Variants in TRAPPC13 observed in about 807,000 individuals in gnomAD.
TRAPPC13 encodes the protein trafficking protein particle complex subunit 13.
A neutral mutation model predicts 54.0 loss-of-function variants in TRAPPC13; 39 were observed. The ratio of observed to expected loss-of-function variants is 0.72; its 90% CI spans 0.56 to 0.94. TRAPPC13 has a LOEUF of 0.94. Ranked by LOEUF, TRAPPC13 falls within the 40% of genes least tolerant of loss-of-function variation. TRAPPC13 has a pLI of 0.00. For synonymous variants in TRAPPC13, 148 were observed against 167.7 expected (o/e 0.88, Z 0.91); for missense variants, 386 against 488.1 (o/e 0.79, Z 1.97).
intron 8 of TRAPPC13, among the ~76,000 whole-genome samples, chr5:65,657,477 A>C (rs1269907089): frequency 1.3e-5 from 2 of 152,210 alleles, no homozygotes; most frequent in Non-Finnish European, 2.9e-5. Context: ...ACTTTTGAAA[A>C]AAATTATTGA....
At chr5:65,654,737 A>C in intron 7 of TRAPPC13, among the ~76,000 whole-genome samples, 1 of 152,230 alleles carries the variant, frequency 6.6e-6, no homozygotes, top group East Asian at 1.9e-4. Flanking sequence ...AATCACCTAA[A>C]GGAAAACAAG....
chr5:65,631,089 T>C (rs897137909), intron 1 of TRAPPC13, among the ~76,000 whole-genome samples: 1 of 152,226 alleles, frequency 6.6e-6, no homozygotes, highest in African/African-American at 2.4e-5. Flanking sequence ...GTTTAACATA[T>C]TTAAATGCCT....
chr5:65,633,262 T>C (rs1755613347), intron 1 of TRAPPC13, among the ~76,000 whole-genome samples: 1 of 152,076 alleles, frequency 6.6e-6, no homozygotes, highest in African/African-American at 2.4e-5. Flanking sequence ...GTCTTTATAG[T>C]ATTTTGGCTT....
intron 5 of TRAPPC13, among the ~76,000 whole-genome samples, chr5:65,648,228 C>T (rs908409742): frequency 3.3e-5 from 5 of 152,166 alleles, no homozygotes; most frequent in Non-Finnish European, 5.9e-5. Context: ...ATACCTATGG[C>T]ATTTTATTTA....
chr5:65,654,549 A>C (rs1756579950), intron 7 of TRAPPC13, among the ~76,000 whole-genome samples: 1 of 152,198 alleles, frequency 6.6e-6, no homozygotes, highest in Non-Finnish European at 1.5e-5. Context: ...CATGAGGCAG[A>C]TTATGTTGAC....
chr5:65,628,886 TGG>T (rs1755387319), intron 1 of TRAPPC13, among the ~76,000 whole-genome samples: 1 of 151,796 alleles, frequency 6.6e-6, no homozygotes, highest in Non-Finnish European at 1.5e-5. Context: ...GGCATGATCT[TGG>T]CTCACTGCAA....
rs1194427700 is a variant in TRAPPC13, at chr5:65,658,497, G to A, written c.694G>A (p.Glu232Lys). 1.3e-6 allele frequency: 2 copies of A among 1,560,408 alleles called. No homozygotes were observed. Among genetic ancestry groups the A allele is most frequent in the African/African-American group, 1.4e-5 (1 of 73,656 alleles). Reference sequence around the variant, plus strand: ...ATTAAATTCAGTCAGCCAAGCTGGAGAATGGTAAATATTAATTTATGAAGT... The same window carrying A: ...ATTAAATTCAGTCAGCCAAGCTGGAAAATGGTAAATATTAATTTATGAAGT... Reference protein sequence around the residue: ...TELNSVSQAGECVSTFGSRAY... With the variant: ...TELNSVSQAGKCVSTFGSRAY... Residue 232 changes from glutamate (E) to lysine (K), a missense_variant, in exon 9 of 13, where the codon GAA (glutamate) becomes AAA (lysine). Coordinates refer to ENST00000399438, the MANE Select transcript of TRAPPC13 (RefSeq NM_024941.4).
At chr5:65,641,872 CTTT>C (rs78528911) in intron 4 of TRAPPC13, among the ~76,000 whole-genome samples, 1 of 140,542 alleles carries the variant, frequency 7.1e-6, no homozygotes. Context: ...AACACTTTTT[CTTT>C]TTTTTTTTTT....
At chr5:65,629,494 A>G in intron 1 of TRAPPC13, 1 of 1,434,792 alleles carries the variant, frequency 7.0e-7, no homozygotes, top group Non-Finnish European at 9.1e-7. Flanking sequence ...ATTTGGCAAG[A>G]GAGACAATCT....
chr5:65,665,146 C>G lies in TRAPPC13; in HGVS notation c.*535C>G, dbSNP rs1438502702. Reference sequence around the variant, plus strand: ...GCAGAGGTTGCAGTTAAGCCGAGATCATGCTACTGCACTCTAGCCTGAGCG... The same window carrying G: ...GCAGAGGTTGCAGTTAAGCCGAGATGATGCTACTGCACTCTAGCCTGAGCG... On this transcript the variant is annotated 3_prime_UTR_variant, in exon 13 of 13. Coordinates refer to ENST00000399438, the MANE Select transcript of TRAPPC13 (RefSeq NM_024941.4). 1 of 159,916 alleles carries G rather than the reference C, an allele frequency of 6.3e-6. No homozygotes were observed. Among genetic ancestry groups the G allele is most frequent in the East Asian group, 1.9e-4 (1 of 5,324 alleles). The allele number at this position is 159,916 out of a possible 1,614,324, so 9.9% of individuals were successfully genotyped here.
chr5:65,656,086 G>A (rs192418554), intron 8 of TRAPPC13, among the ~76,000 whole-genome samples: 122 of 152,208 alleles, frequency 8.0e-4, no homozygotes, highest in Non-Finnish European at 8.1e-4. Flanking sequence ...GATGATGGCC[G>A]CTTGACAAAA....
intron 4 of TRAPPC13, among the ~76,000 whole-genome samples, chr5:65,642,081 G>A (rs1056546205): frequency 6.6e-6 from 1 of 152,082 alleles, no homozygotes; most frequent in Non-Finnish European, 1.5e-5. Context: ...CCAGCACTTT[G>A]GGAGGCCGAG....
chr5:65,641,757 A>C lies in TRAPPC13; in HGVS notation c.300+3977A>C, dbSNP rs116043536. Among the ~76,000 whole-genome samples the C allele has an allele frequency of 2.7e-3, 417 of 151,674 alleles. 1 individual carries two copies. The highest frequency in any genetic ancestry group is 9.7e-3 in the African/African-American group (402 of 41,430). ...AAACAAGACAAAACAAATACAGAGA[A>C]CTGTGGATCATTTAGATTACCTATT... On this transcript the variant is annotated intron_variant, in intron 4 of 12. Coordinates refer to ENST00000399438, the MANE Select transcript of TRAPPC13 (RefSeq NM_024941.4).
At chr5:65,650,661 C>G (rs903283739) in intron 5 of TRAPPC13, 149 bp from the exon 6 acceptor site, 4 of 592,988 alleles carry the variant, frequency 6.7e-6, no homozygotes, top group South Asian at 2.4e-5. Flanking sequence ...ATGTCCATAT[C>G]TATTCTGACT....
At chr5:65,651,572 TGA>T (rs1462579243) in intron 6 of TRAPPC13, among the ~76,000 whole-genome samples, 1 of 151,688 alleles carries the variant, frequency 6.6e-6, no homozygotes, top group Non-Finnish European at 1.5e-5. Context: ...AACTTTAAGT[TGA>T]GTTTTGTATT....
At chr5:65,653,020 T>A (rs549314944) in intron 7 of TRAPPC13, among the ~76,000 whole-genome samples, 1 of 151,150 alleles carries the variant, frequency 6.6e-6, no homozygotes, top group African/African-American at 2.4e-5. Flanking sequence ...GAGTTTGGTG[T>A]AATGGCTTTA....
intron 8 of TRAPPC13, among the ~76,000 whole-genome samples, chr5:65,655,968 TTACTG>T (rs1756636315): frequency 6.6e-6 from 1 of 152,176 alleles, no homozygotes; most frequent in Non-Finnish European, 1.5e-5. Flanking sequence ...TTTCATCATC[TTACTG>T]TAAAATACCC....
chr5:65,633,515 G>A (rs990009444), intron 1 of TRAPPC13, among the ~76,000 whole-genome samples: 25 of 152,092 alleles, frequency 1.6e-4, no homozygotes, highest in South Asian at 1.0e-3. Context: ...TGATCCGCCC[G>A]CCTCGGCCTC....
At chr5:65,643,243 C>T (rs1157214520) in intron 4 of TRAPPC13, among the ~76,000 whole-genome samples, 4 of 151,470 alleles carry the variant, frequency 2.6e-5, no homozygotes, top group Admixed American at 6.6e-5. Flanking sequence ...AATATTTCAG[C>T]TTATGGAACT....
Sources: gnomAD v4.1 joint callset for allele counts (sites outside exome capture counted in the v4.1 genomes callset) on GRCh38, gnomAD v4.1.1 for gene constraint, MANE v1.5 for transcripts, NCBI Gene and HGNC (gene_info 2026-07-23, HGNC 2026-07-21) for gene names.